Variants in NTNG1 observed in about 807,000 individuals in gnomAD.
NTNG1 encodes netrin-G1.
A neutral mutation model predicts 54.0 loss-of-function variants in NTNG1; 16 were observed. The ratio of observed to expected loss-of-function variants is 0.30; its 90% confidence interval spans 0.20 to 0.45. NTNG1 has a LOEUF of 0.45. NTNG1 is among the 20% of genes least tolerant of loss of function. NTNG1 has a pLI of 1.00. For synonymous variants in NTNG1, 255 were observed against 263.1 expected (o/e 0.97, Z 0.30); for missense variants, 530 against 678.7 (o/e 0.78, Z 2.43).
intron 2 of NTNG1, among the ~76,000 whole-genome samples, chr1:107,295,469 A>C (rs1185977671): frequency 6.6e-6 from 1 of 152,150 alleles, no homozygotes. Context: ...GGCTTATGCA[A>C]TTGACACCCA....
At chr1:107,456,148 G>T (rs548475893) in intron 7 of NTNG1, among the ~76,000 whole-genome samples, 1 of 152,140 alleles carries the variant, frequency 6.6e-6, no homozygotes, top group Non-Finnish European at 1.5e-5. Flanking sequence ...GACAAAGGCC[G>T]TGAAGGAGCA....
intron 7 of NTNG1, among the ~76,000 whole-genome samples, chr1:107,453,404 C>A: frequency 6.6e-6 from 1 of 152,130 alleles, no homozygotes; most frequent in South Asian, 2.1e-4. Flanking sequence ...ACACTACAAA[C>A]GCATTTCATT....
At chr1:107,174,962 A>G (rs1023375464) in intron 2 of NTNG1, among the ~76,000 whole-genome samples, 1 of 152,118 alleles carries the variant, frequency 6.6e-6, no homozygotes, top group Non-Finnish European at 1.5e-5. Flanking sequence ...TGGTTTTCGT[A>G]ATGTAAGTAT....
intron 2 of NTNG1, among the ~76,000 whole-genome samples, chr1:107,233,768 C>T (rs1412538198): frequency 1.3e-5 from 2 of 152,164 alleles, no homozygotes; most frequent in Non-Finnish European, 2.9e-5. Flanking sequence ...GTTGCCTGTT[C>T]AGGATGGTTA....
intron 3 of NTNG1, among the ~76,000 whole-genome samples, chr1:107,348,512 T>C (rs1159101135): frequency 6.6e-6 from 1 of 152,186 alleles, no homozygotes; most frequent in East Asian, 1.9e-4. Flanking sequence ...TTCATTTTTA[T>C]CAAGGGCTGT....
At chr1:107,211,077 A>C (rs1557812969) in intron 2 of NTNG1, among the ~76,000 whole-genome samples, 1 of 152,084 alleles carries the variant, frequency 6.6e-6, no homozygotes, top group Non-Finnish European at 1.5e-5. Context: ...TATTCTCTGT[A>C]ATTTAGAACT....
chr1:107,290,837 A>T (rs1027640439), intron 2 of NTNG1, among the ~76,000 whole-genome samples: 3 of 151,570 alleles, frequency 2.0e-5, no homozygotes, highest in African/African-American at 2.4e-5. Flanking sequence ...ACATGCTTGC[A>T]TGTAAAACCC....
chr1:107,200,776 A>C (rs1267063242), intron 2 of NTNG1, among the ~76,000 whole-genome samples: 2 of 151,798 alleles, frequency 1.3e-5, no homozygotes, highest in Non-Finnish European at 2.9e-5. Context: ...TACTCTCCAT[A>C]GTGACTTTTT....
intron 2 of NTNG1, among the ~76,000 whole-genome samples, chr1:107,203,567 A>G (rs960757983): frequency 1.9e-5 from 2 of 106,342 alleles, no homozygotes; most frequent in Non-Finnish European, 3.9e-5. Flanking sequence ...ATTCATATAT[A>G]TAGTTACTGT....
intron 3 of NTNG1, among the ~76,000 whole-genome samples, chr1:107,354,861 T>G (rs2100918525): frequency 6.6e-6 from 1 of 152,268 alleles, no homozygotes; most frequent in East Asian, 1.9e-4. Flanking sequence ...CCTGAGTGAG[T>G]AATAAACACT....
rs1462785996 is a variant in NTNG1 at position 107,484,547 on chromosome 1, T to C, written c.*3707T>C. Among the ~76,000 whole-genome samples the C allele has an allele frequency of 6.6e-6, 1 of 152,180 alleles. No individual in the cohort carries two copies. The highest frequency in any genetic ancestry group is 1.5e-5 in the Non-Finnish European group (1 of 68,038). ...CTGCCTGAGGTGCCCTTGAGTCAGA[T>C]CCCTAAGTTGGCACAAACTGCTAAC... is the stretch of plus-strand genomic sequence containing the variant. On this transcript the variant is annotated 3_prime_UTR_variant, in exon 8 of 8. Transcript: ENST00000370068.
chr1:107,394,108 C>T (rs1672534515), intron 3 of NTNG1, among the ~76,000 whole-genome samples: 1 of 151,982 alleles, frequency 6.6e-6, no homozygotes, highest in Non-Finnish European at 1.5e-5. Flanking sequence ...TTCTCTACCC[C>T]TGCCCAGGCT....
At chr1:107,277,064 G>C (rs915563030) in intron 2 of NTNG1, among the ~76,000 whole-genome samples, 2 of 147,656 alleles carry the variant, frequency 1.4e-5, no homozygotes, top group Admixed American at 6.6e-5. Context: ...AGGAATGAAG[G>C]TTAGATATGA....
rs147243583 is a variant in NTNG1, at chr1:107,348,113, T to TTTA, written c.887+23218_887+23220dup. ...TTTTTGTTTGCTTTTTTTGTTTGCT[T>TTTA]TTATTATTATTATTATTATTATTAT... On this transcript the variant is annotated intron_variant, in intron 3 of 7. Transcript: ENST00000370068. Among the ~76,000 whole-genome samples the TTTA allele has an allele frequency of 2.1e-3, 306 of 148,512 alleles. 2 individuals are homozygous for TTTA. Among genetic ancestry groups the TTTA allele is most frequent in the African/African-American group, 5.7e-3 (229 of 40,272 alleles).
Position 107,361,925 on chromosome 1 carries a change from G to A in NTNG1, c.888-33229G>A, listed in dbSNP as rs184806236. On this transcript the variant is annotated intron_variant, in intron 3 of 7. Transcript: ENST00000370068. Reference sequence around the variant, plus strand: ...ACACTATTTTGTAGAATCTTAGAGCGTGGCTGACAGGGTCCATGGAGTACT... The same window carrying A: ...ACACTATTTTGTAGAATCTTAGAGCATGGCTGACAGGGTCCATGGAGTACT... 1.2e-3 allele frequency among the ~76,000 whole-genome samples: 187 copies of A among 152,212 alleles called. 1 individual carries two copies. Among genetic ancestry groups the A allele is most frequent in the East Asian group, 2.1e-3 (11 of 5,174 alleles).
At chr1:107,238,903 T>TAA (rs772230724) in intron 2 of NTNG1, among the ~76,000 whole-genome samples, 2 of 145,638 alleles carry the variant, frequency 1.4e-5, no homozygotes, top group African/African-American at 5.0e-5. Context: ...TGTATTAAGG[T>TAA]AAAAAAAAAA....
At position 107,298,700 on chromosome 1, in the gene NTNG1, G is replaced by A. The variant is rs182630115; in HGVS notation, c.247-25582G>A. ...TCCTACAGTTGAACTTTGACAGGTGGCAGTTGTGACATAGTTGTCATTGCC... is the reference window on the plus strand; with the variant it reads ...TCCTACAGTTGAACTTTGACAGGTGACAGTTGTGACATAGTTGTCATTGCC... On this transcript the variant is annotated intron_variant, in intron 2 of 7. Coordinates refer to ENST00000370068, the MANE Select transcript of NTNG1 (RefSeq NM_001113226.3). Among the ~76,000 whole-genome samples, 190 of 152,266 alleles carry A rather than the reference G, an allele frequency of 1.2e-3. 1 individual carries two copies. Among genetic ancestry groups the A allele is most frequent in the African/African-American group, 4.5e-3 (185 of 41,548 alleles).
intron 7 of NTNG1, among the ~76,000 whole-genome samples, chr1:107,458,188 G>A (rs1677067749): frequency 6.6e-6 from 1 of 152,068 alleles, no homozygotes; most frequent in Admixed American, 6.6e-5. Context: ...TCAGATTAAT[G>A]GGGATGACAC....
intron 3 of NTNG1, among the ~76,000 whole-genome samples, chr1:107,389,283 T>C (rs956697296): frequency 6.6e-6 from 1 of 152,228 alleles, no homozygotes; most frequent in Non-Finnish European, 1.5e-5. Context: ...TTCATGTTTT[T>C]CTTCACAAAG....
Sources: allele counts gnomAD v4.1 joint callset (sites outside exome capture counted in the v4.1 genomes callset), GRCh38; gene constraint gnomAD v4.1.1; transcripts MANE v1.5; gene names NCBI Gene and HGNC (gene_info 2026-07-23, HGNC 2026-07-21).